TRPM3: variants seen among roughly 807,000 people sequenced by gnomAD.
TRPM3 encodes the protein long transient receptor potential channel 3.
Under a neutral mutation model 181.2 loss-of-function variants are expected in TRPM3, and 77 were observed. That is an observed-to-expected ratio of 0.42 (90% CI 0.35 to 0.51). The LOEUF (loss-of-function observed/expected upper bound fraction) is 0.51, where lower values mean the gene tolerates loss of function less well. Among genes scored for constraint, TRPM3 ranks in the 20% least tolerant of loss-of-function variants. The pLI is 0.01. For missense variants in TRPM3, 1,759 were observed against 2,196.7 expected, an observed-to-expected ratio of 0.80 and a Z score of 3.98; for synonymous variants, 745 against 796.4, an observed-to-expected ratio of 0.94 and a Z score of 1.09.
At position 70,640,581 on chromosome 9, in the gene TRPM3, A is replaced by AAAG. The variant is rs747704988; in HGVS notation, c.1422_1424dup (p.Phe475dup). The AAAG allele has an allele frequency of 8.1e-6, 13 of 1,613,580 alleles. No homozygotes were observed. The highest frequency in any genetic ancestry group is 1.0e-5 in the Non-Finnish European group (12 of 1,179,746). ...CTACCGGCCACTGTTGCCCGTAAAT[A>AAAG]AAGATCTGGCTGCGAGCGATGTCGA... On this transcript the variant is annotated inframe_insertion, in exon 10 of 26. Coordinates refer to ENST00000677713, the MANE Select transcript of TRPM3 (RefSeq NM_001366145.2).
intron 1 of TRPM3, among the ~76,000 whole-genome samples, chr9:71,007,402 A>C (rs2097691531): frequency 1.3e-5 from 2 of 152,154 alleles, no homozygotes; most frequent in South Asian, 4.1e-4. Flanking sequence ...ACAGCTGAAG[A>C]ACATACATTT....
chr9:70,639,831 T>A (rs968761538), intron 10 of TRPM3, among the ~76,000 whole-genome samples: 1 of 152,170 alleles, frequency 6.6e-6, no homozygotes, highest in Admixed American at 6.5e-5. Context: ...ATGTTAGCAA[T>A]CCACCAGCAC....
In TRPM3 at chr9:70,865,052, G is replaced by C. The variant is rs565669214; in HGVS notation, c.178-541C>G. Reference sequence around the variant, plus strand: ...GTGCTAAGTACAGGGGGGTTGGGGGGGGGGAGGAAAATAAAAGCATGAGGA... The same window carrying C: ...GTGCTAAGTACAGGGGGGTTGGGGGCGGGGAGGAAAATAAAAGCATGAGGA... On this transcript the variant is annotated intron_variant, in intron 1 of 25. Transcript: ENST00000677713. 2.5e-4 allele frequency among the ~76,000 whole-genome samples: 38 copies of C among 150,794 alleles called. No individual in the cohort carries two copies. In the South Asian group the frequency reaches 2.7e-3, roughly 11 times the overall value.
At chr9:71,043,636 T>C (rs181796919) in intron 1 of TRPM3, among the ~76,000 whole-genome samples, 431 of 152,338 alleles carry the variant, frequency 2.8e-3, no homozygotes, top group African/African-American at 9.7e-3. Context: ...CATCATTCTA[T>C]TGAAATGATT....
intron 1 of TRPM3, among the ~76,000 whole-genome samples, chr9:71,238,418 T>C (rs780606062): frequency 2.8e-4 from 42 of 152,142 alleles, no homozygotes; most frequent in Non-Finnish European, 5.3e-4. Context: ...GGAGCCAGGC[T>C]ATGGTGCCCC....
chr9:71,240,937 T>G (rs1421566823), intron 1 of TRPM3, among the ~76,000 whole-genome samples: 2 of 152,220 alleles, frequency 1.3e-5, no homozygotes, highest in Non-Finnish European at 2.9e-5. Flanking sequence ...AATTTCCTAC[T>G]ATGTAGATTG....
chr9:70,602,117 T>A (rs956422166), intron 20 of TRPM3, among the ~76,000 whole-genome samples: 1 of 150,808 alleles, frequency 6.6e-6, no homozygotes, highest in East Asian at 1.9e-4. Flanking sequence ...TTTTTTTTTT[T>A]TTTTTTTAAA....
intron 1 of TRPM3, among the ~76,000 whole-genome samples, chr9:71,310,942 C>T (rs1294316418): frequency 6.6e-6 from 1 of 151,958 alleles, no homozygotes; most frequent in Non-Finnish European, 1.5e-5. Flanking sequence ...AGTTTTTAAC[C>T]TGATACTGAG....
Position 71,333,153 on chromosome 9 carries a change from T to C in TRPM3, c.183+113500A>G, listed in dbSNP as rs562720033. Among the ~76,000 whole-genome samples the C allele has an allele frequency of 3.3e-5, 5 of 151,960 alleles. No individual in the cohort carries two copies. The South Asian group carries it at 1.0e-3, about 32-fold the overall frequency. ...ACTCAACAGAGATCACAAACTCAAC[T>C]GTGTATGGAATCCCAGCAGGGAACA... is the stretch of plus-strand genomic sequence containing the variant. On this transcript the variant is annotated intron_variant, in intron 1 of 24. Coordinates refer to the TRPM3 transcript ENST00000357533.
At chr9:70,881,296 T>C (rs1301600476) in intron 1 of TRPM3, among the ~76,000 whole-genome samples, 1 of 152,128 alleles carries the variant, frequency 6.6e-6, no homozygotes, top group Non-Finnish European at 1.5e-5. Context: ...CAGTTTTAAA[T>C]TACATTCTTG....
At position 71,159,105 on chromosome 9, in the gene TRPM3, T is replaced by TAGAGAGAGAGAG. The variant is rs140356660; in HGVS notation, c.183+287536_183+287547dup. Reference sequence around the variant, plus strand: ...TGAGCCTATATTATATATATATATTTAGAGAGAGAGAGAGAGAGAGAGAGA... The same window carrying TAGAGAGAGAGAG: ...TGAGCCTATATTATATATATATATTTAGAGAGAGAGAGAGAGAGAGAGAGAGAGAGAGAGAGA... On this transcript the variant is annotated intron_variant, in intron 1 of 24. Coordinates refer to the TRPM3 transcript ENST00000357533. Among the ~76,000 whole-genome samples the TAGAGAGAGAGAG allele has an allele frequency of 2.8e-3, 410 of 144,166 alleles. 1 individual carries two copies. The highest frequency in any genetic ancestry group is 9.1e-3 in the African/African-American group (354 of 38,798). 94.6% of individuals were successfully genotyped at this position (144,166 alleles called of 152,430 possible). A position where few individuals can be genotyped will look rare whatever the true frequency, so the allele number is the denominator to read the frequency against.
chr9:71,017,060 G>A (rs1252475894), intron 1 of TRPM3, among the ~76,000 whole-genome samples: 1 of 152,074 alleles, frequency 6.6e-6, no homozygotes. Context: ...TGCCAGATAT[G>A]TCTATATACT....
Position 70,895,861 on chromosome 9 carries a change from G to A in TRPM3, c.178-31350C>T, listed in dbSNP as rs144136391. On this transcript the variant is annotated intron_variant, in intron 1 of 25. Coordinates refer to ENST00000677713, the MANE Select transcript of TRPM3 (RefSeq NM_001366145.2). ...GGAACACACCTGGAAGAAATAGCAAGTTTGACTAGAGATGTCAAAACTATT... is the reference window on the plus strand; with the variant it reads ...GGAACACACCTGGAAGAAATAGCAAATTTGACTAGAGATGTCAAAACTATT... Among the ~76,000 whole-genome samples the A allele has an allele frequency of 5.5e-4, 83 of 152,254 alleles. 1 individual carries two copies. The East Asian group carries it at 0.014, about 26-fold the overall frequency.
upstream of TRPM3, among the ~76,000 whole-genome samples, chr9:71,122,376 A>G (rs966306416): frequency 3.3e-5 from 5 of 152,142 alleles, no homozygotes; most frequent in African/African-American, 1.2e-4. Flanking sequence ...TCACATAGTA[A>G]GTTGGGACGG....
At chr9:71,189,364 T>C (rs1282229004) in intron 1 of TRPM3, among the ~76,000 whole-genome samples, 1 of 151,902 alleles carries the variant, frequency 6.6e-6, no homozygotes, top group East Asian at 1.9e-4. Context: ...GGTACATTTG[T>C]ATACGTATGT....
At chr9:71,349,758 T>C (rs2091497931) in intron 1 of TRPM3, among the ~76,000 whole-genome samples, 1 of 151,972 alleles carries the variant, frequency 6.6e-6, no homozygotes, top group Non-Finnish European at 1.5e-5. Flanking sequence ...GTGAAATCTT[T>C]CCCCCACGTG....
intron 6 of TRPM3, among the ~76,000 whole-genome samples, chr9:70,817,879 T>A (rs1481106638): frequency 6.6e-6 from 1 of 151,998 alleles, no homozygotes; most frequent in East Asian, 1.9e-4. Context: ...ATATATATAA[T>A]CTTTAAAAAA....
intron 1 of TRPM3, among the ~76,000 whole-genome samples, chr9:71,340,789 G>A (rs1178451744): frequency 6.6e-6 from 1 of 152,094 alleles, no homozygotes; most frequent in East Asian, 1.9e-4. Flanking sequence ...CTAGCAAACA[G>A]ATTTTTGTTT....
chr9:71,389,729 A>G (rs890583216), intron 1 of TRPM3, among the ~76,000 whole-genome samples: 3 of 152,152 alleles, frequency 2.0e-5, no homozygotes, highest in African/African-American at 7.2e-5. Flanking sequence ...GAAGTAACTC[A>G]GGAATGGAAA....
Sources: gnomAD v4.1 joint callset for allele counts (sites outside exome capture counted in the v4.1 genomes callset) on GRCh38, gnomAD v4.1.1 for gene constraint, MANE v1.5 for transcripts, NCBI Gene and HGNC (gene_info 2026-07-23, HGNC 2026-07-21) for gene names.